Variants in PDK1 observed in about 807,000 individuals in gnomAD.
PDK1 encodes the protein [Pyruvate dehydrogenase (acetyl-transferring)] kinase isozyme 1, mitochondrial.
PDK1 carries 39 observed loss-of-function variants against 54.2 expected under a neutral mutation model. That is an observed-to-expected ratio of 0.72 (90% CI 0.56 to 0.94). PDK1 has a LOEUF of 0.94. Ranked by LOEUF, PDK1 falls within the 40% of genes least tolerant of loss-of-function variation. The probability of loss-of-function intolerance (pLI) is 0.00; values close to 1 mark genes in which losing one functional copy is unlikely to be tolerated. For missense variants in PDK1, 552 were observed against 566.0 expected (o/e 0.98, Z 0.25); for synonymous variants, 221 against 207.1 (o/e 1.07, Z -0.58).
the PDK1 span, among the ~76,000 whole-genome samples, chr2:172,615,713 G>A: frequency 7.0e-4 from 106 of 152,102 alleles, no homozygotes; most frequent in African/African-American, 2.4e-3. Context: ...CAATAATTCC[G>A]TGAACACTTT....
intron 5 of PDK1, among the ~76,000 whole-genome samples, chr2:172,566,164 T>C (rs922398077): frequency 5.9e-5 from 9 of 152,234 alleles, no homozygotes; most frequent in Non-Finnish European, 1.0e-4. Flanking sequence ...TTTTTTACAT[T>C]GTTGGTGTCT....
the PDK1 span, among the ~76,000 whole-genome samples, chr2:172,657,007 A>C: frequency 6.6e-6 from 1 of 152,002 alleles, no homozygotes; most frequent in South Asian, 2.1e-4. Flanking sequence ...TTTGTCAATT[A>C]CAGTTTGTGT....
chr2:172,562,464 C>T (rs1004693668), intron 3 of PDK1, among the ~76,000 whole-genome samples, 173 bp downstream of exon 3: 3 of 152,186 alleles, frequency 2.0e-5, no homozygotes, highest in Admixed American at 6.5e-5. Context: ...AGAAATGCTT[C>T]GTGTTCCTCT....
the PDK1 span, among the ~76,000 whole-genome samples, chr2:172,655,456 T>C: frequency 1.7e-4 from 26 of 152,348 alleles, no homozygotes; most frequent in African/African-American, 6.3e-4. Context: ...ATTCCACTCC[T>C]TTGGTTATTT....
the PDK1 span, among the ~76,000 whole-genome samples, chr2:172,662,492 T>TCG: frequency 8.2e-5 from 1 of 12,140 alleles, no homozygotes; most frequent in African/African-American, 2.1e-4. Context: ...CTTTTTAAAA[T>TCG]CGTGTGTGTG....
At chr2:172,677,934 C>CAAGGCAGGCGGATCACCTT in the PDK1 span, among the ~76,000 whole-genome samples, 3 of 152,066 alleles carry the variant, frequency 2.0e-5, no homozygotes, top group African/African-American at 7.2e-5. Flanking sequence ...TTTGGGAGGC[C>CAAGGCAGGCGGATCACCTT]AAGGCAGGCG....
chr2:172,623,104 C>T, the PDK1 span, among the ~76,000 whole-genome samples: 1 of 151,146 alleles, frequency 6.6e-6, no homozygotes, highest in Admixed American at 6.6e-5. Flanking sequence ...GAGCAGAGAT[C>T]ATGCCACTGC....
intron 5 of PDK1, among the ~76,000 whole-genome samples, chr2:172,565,316 T>G (rs575192462): frequency 3.9e-5 from 6 of 152,334 alleles, no homozygotes; most frequent in African/African-American, 1.4e-4. Context: ...TTGTTTTGTT[T>G]TGTTTGAGAC....
At chr2:172,584,174 G>A (rs1017391792) in intron 8 of PDK1, among the ~76,000 whole-genome samples, 8 of 151,970 alleles carry the variant, frequency 5.3e-5, no homozygotes, top group Admixed American at 2.6e-4. Context: ...ACAAAGTAGT[G>A]GTTCTGTCTT....
chr2:172,562,435 G>A, intron 3 of PDK1, 144 bp downstream of exon 3: 1 of 642,116 alleles, frequency 1.6e-6, no homozygotes, highest in Non-Finnish European at 2.8e-6. Context: ...ATAACAATCA[G>A]CAAATTTGAC....
the PDK1 span, among the ~76,000 whole-genome samples, chr2:172,707,414 G>C: frequency 6.6e-6 from 1 of 152,034 alleles, no homozygotes; most frequent in Admixed American, 6.5e-5. Flanking sequence ...AGTGGAAATC[G>C]TCTGAAAGTT....
chr2:172,683,935 A>G, the PDK1 span, among the ~76,000 whole-genome samples: 1 of 152,222 alleles, frequency 6.6e-6, no homozygotes, highest in African/African-American at 2.4e-5. Flanking sequence ...AAGCAGGAGA[A>G]ATACATATAA....
chr2:172,642,433 AG>A, the PDK1 span, among the ~76,000 whole-genome samples: 6 of 152,108 alleles, frequency 3.9e-5, no homozygotes, highest in Admixed American at 3.9e-4. Flanking sequence ...CCTAAGGCAG[AG>A]GTTTTCAAAG....
the PDK1 span, among the ~76,000 whole-genome samples, chr2:172,715,504 A>G: frequency 1.3e-5 from 2 of 152,210 alleles, no homozygotes; most frequent in Non-Finnish European, 2.9e-5. Flanking sequence ...TAAATTTTTT[A>G]GAAAGCCCAG....
the PDK1 span, among the ~76,000 whole-genome samples, chr2:172,651,774 G>A: frequency 1.3e-5 from 2 of 152,146 alleles, no homozygotes; most frequent in Admixed American, 1.3e-4. Flanking sequence ...CCAGGAAGAA[G>A]TTGAATCTCT....
Position 172,596,022 on chromosome 2 carries a change from AG to A in PDK1, c.*55del. 6.6e-7 allele frequency: 1 copy of A among 1,507,244 alleles called. No individual in the cohort carries two copies. The highest frequency in any genetic ancestry group is 9.1e-7 in the Non-Finnish European group (1 of 1,102,736). The allele number at this position is 1,507,244 out of a possible 1,614,324, so 93.4% of individuals were successfully genotyped here. ...ATGTGGCTTTTGTATTAAATTTGGA[AG>A]GTATGGTGTTCAGAACTATATTATA... On this transcript the variant is annotated 3_prime_UTR_variant, in exon 11 of 11. Coordinates refer to ENST00000282077, the MANE Select transcript of PDK1 (RefSeq NM_002610.5).
intron 7 of PDK1, 125 bp from the exon 8 acceptor site, chr2:172,570,601 G>T: frequency 1.9e-6 from 1 of 513,612 alleles, no homozygotes. Context: ...GTGGTTATAA[G>T]AATTGTGATT....
At chr2:172,660,247 CTTTTTTT>C in the PDK1 span, among the ~76,000 whole-genome samples, 4 of 44,218 alleles carry the variant, frequency 9.0e-5, no homozygotes, top group South Asian at 1.0e-3. Context: ...CTCTCTCTCT[CTTTTTTT>C]TTTTTTTTTT....
At chr2:172,590,842 A>G (rs1257101156) in intron 9 of PDK1, among the ~76,000 whole-genome samples, 1 of 141,058 alleles carries the variant, frequency 7.1e-6, no homozygotes, top group Non-Finnish European at 1.5e-5. Context: ...TGATTGGTGC[A>G]TTTACAATCC....
Sources: gnomAD v4.1 joint callset for allele counts (sites outside exome capture counted in the v4.1 genomes callset) on GRCh38, gnomAD v4.1.1 for gene constraint, MANE v1.5 for transcripts, NCBI Gene and HGNC (gene_info 2026-07-23, HGNC 2026-07-21) for gene names.